The following LATS1 variants were observed in gnomAD, a reference collection of about 807,000 sequenced individuals.
LATS1 encodes the protein serine/threonine-protein kinase LATS1.
A neutral mutation model predicts 106.6 loss-of-function variants in LATS1; 25 were observed. The ratio of observed to expected loss-of-function variants is 0.23; its 90% confidence interval spans 0.17 to 0.33. The LOEUF (loss-of-function observed/expected upper bound fraction) is 0.33, where lower values mean the gene tolerates loss of function less well. Ranked by LOEUF, LATS1 falls within the 10% of genes least tolerant of loss-of-function variation. The pLI, the probability that LATS1 is intolerant of heterozygous loss-of-function variation, is 1.00. For missense variants in LATS1, 1,040 were observed against 1,382.6 expected, an observed-to-expected ratio of 0.75 and a Z score of 3.93; for synonymous variants, 465 against 455.6, an observed-to-expected ratio of 1.02 and a Z score of -0.26.
intron 2 of LATS1, among the ~76,000 whole-genome samples, 199 bp from the exon 3 acceptor site, chr6:149,695,420 T>C (rs545391554): frequency 3.3e-5 from 5 of 152,150 alleles, no homozygotes; most frequent in Non-Finnish European, 7.4e-5. Context: ...GCGCAGTGGC[T>C]CAAGCCACTT....
At chr6:149,703,631 A>G (rs984986624) in intron 1 of LATS1, among the ~76,000 whole-genome samples, 8 of 152,186 alleles carry the variant, frequency 5.3e-5, no homozygotes, top group African/African-American at 1.9e-4. Flanking sequence ...TGGGAGGCCA[A>G]GAAGGGAGGA....
intron 2 of LATS1, among the ~76,000 whole-genome samples, chr6:149,697,626 T>A (rs998105642): frequency 6.6e-6 from 1 of 152,188 alleles, no homozygotes; most frequent in Admixed American, 6.5e-5. Context: ...ACTGGTTAAG[T>A]CAAGTGAACT....
chr6:149,679,506 G>T (rs7752594), intron 5 of LATS1, among the ~76,000 whole-genome samples: 5 of 149,460 alleles, frequency 3.3e-5, no homozygotes, highest in African/African-American at 9.9e-5. Flanking sequence ...GAGCCAAGAT[G>T]GTGCCACTGC....
chr6:149,664,161 CAA>C (rs58373258), intron 7 of LATS1, among the ~76,000 whole-genome samples: 1,609 of 121,096 alleles, frequency 0.013, 28 homozygotes, highest in African/African-American at 0.041. Context: ...CAGTTTAAGG[CAA>C]AAAAAAAAAA....
intron 2 of LATS1, among the ~76,000 whole-genome samples, chr6:149,696,258 C>T (rs775164063): frequency 2.0e-5 from 3 of 147,704 alleles, no homozygotes; most frequent in South Asian, 2.3e-4. Flanking sequence ...AAAAAGGTAG[C>T]AATCAAAATA....
intron 7 of LATS1, among the ~76,000 whole-genome samples, chr6:149,670,788 T>C (rs769687563): frequency 9.2e-5 from 14 of 152,030 alleles, no homozygotes; most frequent in Non-Finnish European, 1.8e-4. Context: ...GTTTCCTTAC[T>C]GTTGAGTTTT....
chr6:149,711,692 G>A lies in LATS1; in HGVS notation c.-141+6157C>T, dbSNP rs573678630. On this transcript the variant is annotated intron_variant, in intron 1 of 7. Coordinates refer to ENST00000543571, the MANE Select transcript of LATS1 (RefSeq NM_004690.4). ...AAAGATTTGTACGTTCCAAAGGGAA[G>A]GTACAACACACACTTCACAGGTGGT... Among the ~76,000 whole-genome samples the A allele has an allele frequency of 4.6e-5, 7 of 152,260 alleles. No homozygotes were observed. The South Asian group carries it at 1.4e-3, about 32-fold the overall frequency.
intron 1 of LATS1, among the ~76,000 whole-genome samples, chr6:149,711,715 G>T (rs117578942): frequency 0.015 from 2,230 of 152,198 alleles, 28 homozygotes; most frequent in South Asian, 0.053. Flanking sequence ...CTTCACAGGT[G>T]GTCAAGGATG....
Position 149,676,135 on chromosome 6 carries a change from AG to A in LATS1, c.2883+124del, listed in dbSNP as rs202043297. On this transcript the variant is annotated intron_variant, in intron 7 of 7. Transcript: ENST00000543571. The stretch of plus-strand genomic sequence containing the variant: ...CCAAAGAACTGGCATTATGGGTGTG[AG>A]CCACTGCACCCGGCCCAAGTTCATT... 30 of 675,126 alleles carry A rather than the reference AG, an allele frequency of 4.4e-5. 1 individual carries two copies. In the East Asian group the frequency reaches 7.8e-4, roughly 18 times the overall value. The allele number at this position is 675,126 out of a possible 1,614,324, so 41.8% of individuals were successfully genotyped here.
intron 7 of LATS1, among the ~76,000 whole-genome samples, chr6:149,671,621 A>T (rs1189872068): frequency 6.6e-6 from 1 of 151,980 alleles, no homozygotes; most frequent in African/African-American, 2.4e-5. Flanking sequence ...TACTGTCTAC[A>T]TTATTGAAGC....
rs114669478 is a variant in LATS1 at position 149,677,261 on chromosome 6, G to C, written c.2594-524C>G. 5.6e-3 allele frequency among the ~76,000 whole-genome samples: 857 copies of C among 152,330 alleles called. 6 individuals carry two copies. The highest frequency in any genetic ancestry group is 0.019 in the African/African-American group (806 of 41,588). ...AAGACTGAATGGCTAGGGAAGACCAGTTAAGAAGGTGACTTCAGCTAAACC... is the reference window on the plus strand; with the variant it reads ...AAGACTGAATGGCTAGGGAAGACCACTTAAGAAGGTGACTTCAGCTAAACC... On this transcript the variant is annotated intron_variant, in intron 5 of 7. Coordinates refer to ENST00000543571, the MANE Select transcript of LATS1 (RefSeq NM_004690.4).
chr6:149,663,294 G>A (rs1780973151), intron 7 of LATS1, among the ~76,000 whole-genome samples: 1 of 152,114 alleles, frequency 6.6e-6, no homozygotes, highest in South Asian at 2.1e-4. Flanking sequence ...ACCAGCCTGG[G>A]CAACATGGTG....
chr6:149,663,876 C>T (rs534579222), intron 7 of LATS1, among the ~76,000 whole-genome samples: 7 of 150,744 alleles, frequency 4.6e-5, no homozygotes, highest in African/African-American at 1.2e-4. Context: ...GGCGTGATCT[C>T]GGCTCATTGC....
At chr6:149,689,477 T>A (rs1029052441) in intron 3 of LATS1, among the ~76,000 whole-genome samples, 3 of 152,194 alleles carry the variant, frequency 2.0e-5, no homozygotes, top group East Asian at 1.9e-4. Flanking sequence ...TGTACTTGTT[T>A]AGTGAAACTC....
intron 1 of LATS1, among the ~76,000 whole-genome samples, chr6:149,715,549 A>G (rs910460766): frequency 1.3e-5 from 2 of 152,210 alleles, no homozygotes. Flanking sequence ...TAATAAAATG[A>G]ACATATGTAT....
intron 7 of LATS1, among the ~76,000 whole-genome samples, chr6:149,673,987 T>C (rs117365578): frequency 6.6e-6 from 1 of 150,994 alleles, no homozygotes; most frequent in Non-Finnish European, 1.5e-5. Flanking sequence ...TGTAAAACCA[T>C]TTCTATATTA....
intron 1 of LATS1, among the ~76,000 whole-genome samples, chr6:149,709,664 TTATC>T (rs1783980297): frequency 7.0e-6 from 1 of 143,694 alleles, no homozygotes; most frequent in South Asian, 2.2e-4. Context: ...CCACAACCCC[TTATC>T]TTTTTTTTTT....
chr6:149,705,087 T>C lies in LATS1; in HGVS notation c.-140-2821A>G, dbSNP rs1202117920. ...ACAAGCAGCTCACATTTCTCCACTT[T>C]GAAAAAAAAAAAGATGAACTTTTTC... On this transcript the variant is annotated intron_variant, in intron 1 of 7. Coordinates refer to ENST00000543571, the MANE Select transcript of LATS1 (RefSeq NM_004690.4). Among the ~76,000 whole-genome samples, 5 of 150,094 alleles carry C rather than the reference T, an allele frequency of 3.3e-5. 1 individual carries two copies. Among genetic ancestry groups the C allele is most frequent in the South Asian group, 4.2e-4 (2 of 4,776 alleles).
chr6:149,711,661 G>C (rs964489389), intron 1 of LATS1, among the ~76,000 whole-genome samples: 4 of 152,156 alleles, frequency 2.6e-5, no homozygotes, highest in African/African-American at 7.2e-5. Flanking sequence ...CAAGAAGCTA[G>C]TTGAAAAAGA....
Sources: allele counts gnomAD v4.1 joint callset (sites outside exome capture counted in the v4.1 genomes callset), GRCh38; gene constraint gnomAD v4.1.1; transcripts MANE v1.5; gene names NCBI Gene and HGNC (gene_info 2026-07-23, HGNC 2026-07-21).